The following ADCY6 variants were observed in gnomAD, a reference collection of about 807,000 sequenced individuals.
ADCY6 encodes adenylate cyclase type 6.
ADCY6 carries 59 observed loss-of-function variants against 111.6 expected under a neutral mutation model. The observed-to-expected ratio is 0.53, with a 90% CI of 0.43 to 0.66. ADCY6 has a LOEUF of 0.66. Among genes scored for constraint, ADCY6 ranks in the 30% least tolerant of loss-of-function variants. The pLI is 0.00. For missense variants in ADCY6, 1,242 were observed against 1,595.6 expected, an observed-to-expected ratio of 0.78 and a Z score of 3.78; for synonymous variants, 576 against 642.9, an observed-to-expected ratio of 0.90 and a Z score of 1.57.
Position 48,776,657 on chromosome 12 carries a change from ACTCCT to A in ADCY6, c.1377-76_1377-72del. 6.5e-7 allele frequency: 1 copy of A among 1,530,400 alleles called. No individual in the cohort carries two copies. Among genetic ancestry groups the A allele is most frequent in the Non-Finnish European group, 8.8e-7 (1 of 1,141,064 alleles). 94.8% of individuals were successfully genotyped at this position (1,530,400 alleles called of 1,614,324 possible). A position where few individuals can be genotyped will look rare whatever the true frequency, so the allele number is the denominator to read the frequency against. On this transcript the variant is annotated intron_variant, in intron 6 of 21. Transcript: ENST00000357869. The surrounding 1 kb of genome is among the most constrained non-coding windows in gnomAD (Gnocchi z 6.1). ...CCCCAGCCCACAACCCAGGCCCTTC[ACTCCT>A]CTCAGGGCCCAGCGGGCAAGGACAG...
intron 1 of ADCY6, among the ~76,000 whole-genome samples, chr12:48,788,592 A>C (rs888047378): frequency 6.6e-6 from 1 of 150,948 alleles, no homozygotes; most frequent in African/African-American, 2.4e-5. Flanking sequence ...GCAGCAAAAA[A>C]CTCAGGCCAG....
rs3730070 is a variant in ADCY6 at position 48,775,065 on chromosome 12, G to T, written c.1981-11C>A. On this transcript the variant is annotated splice_polypyrimidine_tract_variant and intron_variant, in intron 11 of 21. Coordinates refer to ENST00000357869, the MANE Select transcript of ADCY6 (RefSeq NM_015270.5). ...CACCTTCCGGGAGTACTGAGGGAGAGGAGGCTGAGCTGAGTGCTGGGCCCT... is the reference window on the plus strand; with the variant it reads ...CACCTTCCGGGAGTACTGAGGGAGATGAGGCTGAGCTGAGTGCTGGGCCCT... 6.4e-7 allele frequency: 1 copy of T among 1,551,334 alleles called. No individual in the cohort carries two copies. Among genetic ancestry groups the T allele is most frequent in the Non-Finnish European group, 8.7e-7 (1 of 1,146,270 alleles).
Position 48,780,875 on chromosome 12 carries a change from T to C in ADCY6, c.864+1696A>G, listed in dbSNP as rs142496717. Among the ~76,000 whole-genome samples, 206 of 152,334 alleles carry C rather than the reference T, an allele frequency of 1.4e-3. 2 individuals are homozygous for C. Among genetic ancestry groups the C allele is most frequent in the African/African-American group, 4.5e-3 (185 of 41,570 alleles). ...ACGTGCTCCACAAACAAACGGGCTA[T>C]AAAGTTACTTTTAAAAAGGTACGTT... On this transcript the variant is annotated intron_variant, in intron 2 of 21. Transcript: ENST00000357869.
At chr12:48,774,241 G>A in intron 14 of ADCY6, 143 bp from the exon 15 acceptor site, 1 of 1,071,938 alleles carries the variant, frequency 9.3e-7, no homozygotes, top group Non-Finnish European at 1.4e-6. Flanking sequence ...GATGACAAGA[G>A]GTTGGGAGAA....
In ADCY6 at chr12:48,776,417, C is replaced by G; in HGVS notation, c.1535+11G>C. The G allele has an allele frequency of 6.2e-7, 1 of 1,612,302 alleles. No individual in the cohort carries two copies. The highest frequency in any genetic ancestry group is 1.1e-5 in the South Asian group (1 of 90,978). On this transcript the variant is annotated intron_variant, in intron 7 of 21. Transcript: ENST00000357869. The surrounding 1 kb of genome is among the most constrained non-coding windows in gnomAD (Gnocchi z 6.1). ...TGCCCCCATCCCCCCCACCTGGACCCCCCTACTCACCCAGCCCGGCCTCCT... is the reference window on the plus strand; with the variant it reads ...TGCCCCCATCCCCCCCACCTGGACCGCCCTACTCACCCAGCCCGGCCTCCT...
rs1464885086 is a variant in ADCY6 at position 48,766,208 on chromosome 12, T to C, written c.*2383A>G. On this transcript the variant is annotated 3_prime_UTR_variant, in exon 22 of 22. Transcript: ENST00000357869. ...AGAACAGAGAATTTTACAAAGAGTTTGATTTTATTGATATTTAAATATATT... is the reference window on the plus strand; with the variant it reads ...AGAACAGAGAATTTTACAAAGAGTTCGATTTTATTGATATTTAAATATATT... 2 of 152,760 alleles carry C rather than the reference T, an allele frequency of 1.3e-5. No individual in the cohort carries two copies. 9.5% of individuals were successfully genotyped at this position (152,760 alleles called of 1,614,324 possible). A position where few individuals can be genotyped will look rare whatever the true frequency, so the allele number is the denominator to read the frequency against.
Position 48,768,183 on chromosome 12 carries a change from C to T in ADCY6, c.*408G>A. 3.6e-6 allele frequency: 1 copy of T among 275,204 alleles called. No individual in the cohort carries two copies. The highest frequency in any genetic ancestry group is 7.1e-6 in the Non-Finnish European group (1 of 141,208). 17.0% of individuals were successfully genotyped at this position (275,204 alleles called of 1,614,324 possible). On this transcript the variant is annotated 3_prime_UTR_variant, in exon 22 of 22. Coordinates refer to ENST00000357869, the MANE Select transcript of ADCY6 (RefSeq NM_015270.5). The stretch of plus-strand genomic sequence containing the variant: ...TGTACAAAATATTGTACAAAATATT[C>T]CCAGGAAAAAAGAGGGAAAAGAAGG...
chr12:48,786,738 G>A (rs995181419), intron 1 of ADCY6, among the ~76,000 whole-genome samples: 9 of 152,134 alleles, frequency 5.9e-5, no homozygotes, highest in African/African-American at 2.2e-4. Flanking sequence ...GGTCAGGCTG[G>A]CATTTGGAAA....
intron 3 of ADCY6, 36 bp downstream of exon 3, chr12:48,778,072 G>C (rs926492926): frequency 1.9e-6 from 3 of 1,581,694 alleles, no homozygotes; most frequent in Non-Finnish European, 2.6e-6. Flanking sequence ...TGGGGGTAAG[G>C]TGGGGGCAGG....
chr12:48,779,232 C>T (rs1444768718), intron 2 of ADCY6, among the ~76,000 whole-genome samples: 1 of 152,030 alleles, frequency 6.6e-6, no homozygotes, highest in Non-Finnish European at 1.5e-5. Flanking sequence ...GTAACAATAT[C>T]CCATTTTAAA....
At chr12:48,773,731 G>T in intron 15 of ADCY6, 84 bp from the exon 16 acceptor site, 1 of 1,554,428 alleles carries the variant, frequency 6.4e-7, no homozygotes, top group South Asian at 1.1e-5. Context: ...TCTCCTGCCT[G>T]ACCTAACCTT....
chr12:48,781,928 A>G (rs1941854622), intron 2 of ADCY6, among the ~76,000 whole-genome samples: 2 of 152,194 alleles, frequency 1.3e-5, no homozygotes. Context: ...ATACGATCAG[A>G]CTTAACGCTC....
rs1305902425 is a variant in ADCY6 at position 48,766,527 on chromosome 12, C to A, written c.*2064G>T. ...CCCCATGGCACCAAGTAGTCTCTTC[C>A]TATCCCTTCCTATCCAGGGATATGG... On this transcript the variant is annotated 3_prime_UTR_variant, in exon 22 of 22. Transcript: ENST00000357869. 6.5e-6 allele frequency: 1 copy of A among 152,688 alleles called. No individual in the cohort carries two copies. Among genetic ancestry groups the A allele is most frequent in the Non-Finnish European group, 1.5e-5 (1 of 68,058 alleles). 9.5% of individuals were successfully genotyped at this position (152,688 alleles called of 1,614,324 possible).
chr12:48,769,396 A>G (rs562867559), intron 20 of ADCY6, among the ~76,000 whole-genome samples: 2 of 146,932 alleles, frequency 1.4e-5, no homozygotes, highest in African/African-American at 2.5e-5. Context: ...AGCCTGGTAC[A>G]GAGCAAATCC....
At position 48,767,166 on chromosome 12, in the gene ADCY6, G is replaced by A. The variant is rs531722220; in HGVS notation, c.*1425C>T. On this transcript the variant is annotated 3_prime_UTR_variant, in exon 22 of 22. Transcript: ENST00000357869. ...ATACCATGTCCCAGGACACTATCTG[G>A]GGAAGCCAGGAAATTCCTCAGCCTC... The A allele has an allele frequency of 6.5e-6, 1 of 152,816 alleles. No homozygotes were observed. Among genetic ancestry groups the A allele is most frequent in the East Asian group, 1.9e-4 (1 of 5,174 alleles). The allele number at this position is 152,816 out of a possible 1,614,324, so 9.5% of individuals were successfully genotyped here. A position where few individuals can be genotyped will look rare whatever the true frequency, so the allele number is the denominator to read the frequency against.
chr12:48,769,388 C>A (rs1338585250), intron 20 of ADCY6, among the ~76,000 whole-genome samples: 4 of 146,752 alleles, frequency 2.7e-5, no homozygotes, highest in Middle Eastern at 3.5e-3. Context: ...GGCACTCTAG[C>A]CTGGTACAGA....
In ADCY6 at chr12:48,774,497, G is replaced by A. The variant is rs199749505; in HGVS notation, c.2188C>T (p.Arg730Cys). 36 of 1,613,832 alleles carry A rather than the reference G, an allele frequency of 2.2e-5. No individual in the cohort carries two copies. The highest frequency in any genetic ancestry group is 3.3e-5 in the South Asian group (3 of 91,086). The part of the protein sequence containing the change: ...CGSLFPKALQ[R>C]LSRSIVRSRA... ...GAGCGGACAATGCTGCGGGACAGAC[G>A]TTGCAGGGCCTTAGGGAACAGCTAG... The change falls in exon 14 of 22, where the codon CGT becomes TGT. Residue 730 changes from arginine to cysteine, a missense_variant. By Grantham distance (180) the Arg-to-Cys change is radical. This residue lies in a region of ADCY6 where 375 missense variants were observed against 432.5 expected (regional missense o/e 0.87). Coordinates refer to ENST00000357869, the MANE Select transcript of ADCY6 (RefSeq NM_015270.5).
chr12:48,769,327 AGATT>A (rs756530995), intron 20 of ADCY6, among the ~76,000 whole-genome samples: 19 of 147,446 alleles, frequency 1.3e-4, no homozygotes, highest in Non-Finnish European at 2.7e-4. Context: ...GTGGGAGAAT[AGATT>A]GATTGAGCCT....
intron 2 of ADCY6, among the ~76,000 whole-genome samples, chr12:48,781,939 CTCTCT>C (rs1212692943): frequency 3.3e-5 from 5 of 152,180 alleles, no homozygotes; most frequent in Admixed American, 6.5e-5. Flanking sequence ...CTTAACGCTC[CTCTCT>C]TCAACAGTCC....
Sources: allele counts gnomAD v4.1 joint callset (sites outside exome capture counted in the v4.1 genomes callset), GRCh38; gene constraint gnomAD v4.1.1; regional missense constraint gnomAD v4.1.1; non-coding constraint Gnocchi (gnomAD v3.1); transcripts MANE v1.5; gene names NCBI Gene and HGNC (gene_info 2026-07-23, HGNC 2026-07-21).